The following FRMPD4 variants were observed in gnomAD, a reference collection of about 807,000 sequenced individuals.
FRMPD4 encodes FERM and PDZ domain-containing protein 4.
FRMPD4 carries 22 observed loss-of-function variants against 94.1 expected under a neutral mutation model. That is an observed-to-expected ratio of 0.23 (90% CI 0.17 to 0.33). The LOEUF (loss-of-function observed/expected upper bound fraction) is 0.33. Ranked by LOEUF, FRMPD4 falls within the 10% of genes least tolerant of loss-of-function variation. FRMPD4 has a pLI of 1.00. For synonymous variants in FRMPD4, 631 were observed against 548.6 expected (o/e 1.15, Z -2.10); for missense variants, 1,111 against 1,339.9 (o/e 0.83, Z 2.67).
intron 1 of FRMPD4, among the ~76,000 whole-genome samples, chrX:11,842,951 A>G (rs2053547431): frequency 9.0e-6 from 1 of 111,628 alleles, no homozygotes; most frequent in Admixed American, 9.6e-5. Flanking sequence ...GAGGCCTTTG[A>G]CGAAATTCAA....
intron 1 of FRMPD4, among the ~76,000 whole-genome samples, chrX:12,267,945 G>C (rs2054298810): frequency 8.9e-6 from 1 of 112,712 alleles, no homozygotes; most frequent in African/African-American, 3.2e-5. Flanking sequence ...TGGTTGTTAA[G>C]GTAATTTATA....
At chrX:12,126,831 C>T (rs901772942) in intron 3 of FRMPD4, among the ~76,000 whole-genome samples, 1 of 111,838 alleles carries the variant, frequency 8.9e-6, no homozygotes, top group Non-Finnish European at 1.9e-5. Context: ...ATCATCGACA[C>T]ACATTCTCTC....
intron 3 of FRMPD4, among the ~76,000 whole-genome samples, chrX:12,032,072 G>A (rs765620468): frequency 1.8e-3 from 196 of 111,873 alleles, no homozygotes; most frequent in African/African-American, 5.9e-3. Context: ...TGATGGGAAC[G>A]AAAAAATATA....
intron 4 of FRMPD4, among the ~76,000 whole-genome samples, chrX:12,666,166 A>G (rs1410653312): frequency 9.0e-6 from 1 of 111,404 alleles, no homozygotes; most frequent in Non-Finnish European, 1.9e-5. Context: ...ACCAACAAAG[A>G]TCAAAAAAGA....
intron 1 of FRMPD4, among the ~76,000 whole-genome samples, chrX:12,167,392 G>A (rs2056139471): frequency 9.0e-6 from 1 of 111,700 alleles, no homozygotes; most frequent in Non-Finnish European, 1.9e-5. Context: ...CTGAGTTCTA[G>A]TTTGATTGCA....
At chrX:11,922,510 C>T (rs2054063151) in intron 3 of FRMPD4, among the ~76,000 whole-genome samples, 1 of 111,882 alleles carries the variant, frequency 8.9e-6, no homozygotes. Flanking sequence ...AGAAGCTGGG[C>T]TGAAGGGAGA....
At chrX:12,193,821 AGG>A (rs2056529514) in intron 1 of FRMPD4, among the ~76,000 whole-genome samples, 1 of 38,114 alleles carries the variant, frequency 2.6e-5, no homozygotes, top group African/African-American at 1.6e-4. Flanking sequence ...GAAGGAAGGA[AGG>A]AAGGAGGGAA....
intron 1 of FRMPD4, among the ~76,000 whole-genome samples, chrX:12,278,406 T>G (rs983893268): frequency 1.8e-5 from 2 of 112,216 alleles, no homozygotes; most frequent in African/African-American, 6.5e-5. Flanking sequence ...TGTTTTGATA[T>G]TGGGCAAAGC....
At chrX:12,704,019 T>C (rs184442834) in intron 10 of FRMPD4, among the ~76,000 whole-genome samples, 1 of 111,718 alleles carries the variant, frequency 9.0e-6, no homozygotes, top group South Asian at 3.8e-4. Context: ...TGGAGAGAAA[T>C]TGGTGTTGGA....
At chrX:12,716,001 T>TGGGCCCCCCCCCCCCCC in intron 14 of FRMPD4, 68 bp from the exon 15 acceptor site, 1 of 231,654 alleles carries the variant, frequency 4.3e-6, no homozygotes, top group Non-Finnish European at 8.2e-6. Flanking sequence ...GAGACGAGCC[T>TGGGCCCCCCCCCCCCCC]CCCACCCCCG....
intron 2 of FRMPD4, among the ~76,000 whole-genome samples, chrX:12,533,961 G>A (rs2058312368): frequency 8.9e-6 from 1 of 112,890 alleles, no homozygotes; most frequent in South Asian, 3.6e-4. Flanking sequence ...AGACAGTGGG[G>A]AAAATGTCTC....
At chrX:11,905,380 G>C (rs192062971) in intron 3 of FRMPD4, among the ~76,000 whole-genome samples, 1 of 111,306 alleles carries the variant, frequency 9.0e-6, no homozygotes, top group Admixed American at 9.5e-5. Flanking sequence ...CTGGGACCTT[G>C]GTGATATTGT....
chrX:12,395,037 A>G (rs2056525142), intron 1 of FRMPD4, among the ~76,000 whole-genome samples: 1 of 112,444 alleles, frequency 8.9e-6, no homozygotes, highest in Non-Finnish European at 1.9e-5. Flanking sequence ...CATCTGAAGC[A>G]TGAAATTTCC....
intron 14 of FRMPD4, among the ~76,000 whole-genome samples, chrX:12,712,696 T>G (rs1413445310): frequency 8.9e-6 from 1 of 111,887 alleles, no homozygotes; most frequent in Non-Finnish European, 1.9e-5. Context: ...GTGATAGGCG[T>G]GCACTGGGTT....
At chrX:12,661,339 T>C (rs5935377) in intron 4 of FRMPD4, among the ~76,000 whole-genome samples, 53,394 of 111,077 alleles carry the variant, frequency 0.48, 10,868 homozygotes, top group African/African-American at 0.79. Context: ...ATTCTCTTTA[T>C]TTTCCCTTTG....
intron 1 of FRMPD4, among the ~76,000 whole-genome samples, chrX:12,191,061 C>T (rs1205190257): frequency 8.9e-6 from 1 of 112,271 alleles, no homozygotes; most frequent in Non-Finnish European, 1.9e-5. Flanking sequence ...TCAACAAGAA[C>T]ACAACACAAA....
intron 1 of FRMPD4, among the ~76,000 whole-genome samples, chrX:11,831,107 C>T (rs1287973212): frequency 5.5e-5 from 6 of 109,217 alleles, no homozygotes; most frequent in Non-Finnish European, 1.1e-4. Context: ...GATCAAAAAC[C>T]GGTGGTAGTT....
chrX:12,437,237 T>G (rs910915302), intron 1 of FRMPD4, among the ~76,000 whole-genome samples: 1 of 110,881 alleles, frequency 9.0e-6, no homozygotes, highest in African/African-American at 3.3e-5. Context: ...ACAAGACACT[T>G]TAGCTTCCCT....
chrX:12,204,525 G>C (rs1235720254), intron 1 of FRMPD4, among the ~76,000 whole-genome samples: 1 of 111,351 alleles, frequency 9.0e-6, no homozygotes, highest in Non-Finnish European at 1.9e-5. Flanking sequence ...TGCGGGCGCT[G>C]CATGCCCTCC....
Sources: allele counts gnomAD v4.1 joint callset (sites outside exome capture counted in the v4.1 genomes callset), GRCh38; gene constraint gnomAD v4.1.1; transcripts MANE v1.5; gene names NCBI Gene and HGNC (gene_info 2026-07-23, HGNC 2026-07-21).